KSR1: variants seen among roughly 807,000 people sequenced by gnomAD.
The protein encoded by KSR1 is kinase suppressor of ras.
In KSR1, 35 loss-of-function variants were observed where a neutral mutation model predicts 92.9. The ratio of observed to expected loss-of-function variants is 0.38; its 90% CI spans 0.29 to 0.50. The LOEUF is 0.50. Ranked by LOEUF, KSR1 falls within the 20% of genes least tolerant of loss-of-function variation. The probability of loss-of-function intolerance (pLI) is 0.94; values close to 1 mark genes in which losing one functional copy is unlikely to be tolerated. For missense variants in KSR1, 972 were observed against 1,158.5 expected, an observed-to-expected ratio of 0.84 and a Z score of 2.34; for synonymous variants, 467 against 472.6, an observed-to-expected ratio of 0.99 and a Z score of 0.15.
At chr17:27,484,718 A>G (rs1041629587) in intron 1 of KSR1, among the ~76,000 whole-genome samples, 11 of 152,162 alleles carry the variant, frequency 7.2e-5, no homozygotes, top group Admixed American at 6.5e-5. Flanking sequence ...AGAGGGAAAC[A>G]GCCTGCCTGC....
At chr17:27,492,163 C>T (rs372606867) in intron 1 of KSR1, among the ~76,000 whole-genome samples, 2 of 151,992 alleles carry the variant, frequency 1.3e-5, no homozygotes, top group African/African-American at 4.8e-5. Context: ...GTAGCAGATA[C>T]GAGTGGGTGG....
rs1032301929 is a variant in KSR1, at chr17:27,459,095, G to T, written c.231+2221G>T. Among the ~76,000 whole-genome samples, 1 of 152,206 alleles carries T rather than the reference G, an allele frequency of 6.6e-6. No individual in the cohort carries two copies. On this transcript the variant is annotated intron_variant, in intron 1 of 20. Transcript: ENST00000644974. This position sits in a 1 kb window ranked among gnomAD's most constrained non-coding sequence, Gnocchi z 4.6. ...GAAGAATCTTTGCCATAGGAGCAGC[G>T]TGGTGAATAGGAAGCCCCATGGCTT...
Position 27,590,807 on chromosome 17 carries a change from G to T in KSR1, c.1047-4G>T. The T allele has an allele frequency of 6.2e-7, 1 of 1,608,774 alleles. No homozygotes were observed. Among genetic ancestry groups the T allele is most frequent in the African/African-American group, 1.3e-5 (1 of 74,960 alleles). On this transcript the variant is annotated splice_region_variant and splice_polypyrimidine_tract_variant and intron_variant, in intron 6 of 20. Coordinates refer to ENST00000644974, the MANE Select transcript of KSR1 (RefSeq NM_001394583.1). ...AAACATGTGCCTGTGTCCGCCCTCT[G>T]CAGGTTCTCCACCAAGTCCTGGCTG...
In KSR1 at chr17:27,609,270, C is replaced by T; in HGVS notation, c.2166C>T (p.Gly722=). 1 of 1,613,976 alleles carries T rather than the reference C, an allele frequency of 6.2e-7. No individual in the cohort carries two copies. The highest frequency in any genetic ancestry group is 8.5e-7 in the Non-Finnish European group (1 of 1,179,888). The change falls in exon 16 of 21, where the codon GGC becomes GGT. Residue 722 remains glycine, a synonymous_variant. Transcript: ENST00000644974. ...CTAAGAACGTCTTCTATGACAACGG[C>T]AAGGTGGTCATCACAGACTTCGGGC... ...LKSKNVFYDN[G]KVVITDFGLF...
chr17:27,605,850 C>T (rs1212192522), intron 14 of KSR1, 37 bp downstream of exon 14: 1 of 1,607,616 alleles, frequency 6.2e-7, no homozygotes, highest in East Asian at 2.2e-5. Flanking sequence ...GGATGGCCAG[C>T]TCAGCCTCCC....
rs150950906 is a variant in KSR1 at position 27,564,675 on chromosome 17, T to C, written c.373-12817T>C. Reference sequence around the variant, plus strand: ...TGAAAAATCCCAGAGAAGGCTCTGATTGGCTTGGCTTTGACCACATGTTCA... The same window carrying C: ...TGAAAAATCCCAGAGAAGGCTCTGACTGGCTTGGCTTTGACCACATGTTCA... On this transcript the variant is annotated intron_variant, in intron 2 of 20. Coordinates refer to ENST00000644974, the MANE Select transcript of KSR1 (RefSeq NM_001394583.1). 7.5e-3 allele frequency among the ~76,000 whole-genome samples: 1,138 copies of C among 152,152 alleles called. 14 individuals carry two copies. Among genetic ancestry groups the C allele is most frequent in the African/African-American group, 0.027 (1,101 of 41,496 alleles).
Position 27,519,217 on chromosome 17 carries a change from A to G in KSR1, c.232-31351A>G, listed in dbSNP as rs549228109. On this transcript the variant is annotated intron_variant, in intron 1 of 20. Transcript: ENST00000644974. Reference sequence around the variant, plus strand: ...GGAAGCCCTGGGTGTGGTTCCCTGCAGAAAGGAATTCTGAGGCCTCAGAAA... The same window carrying G: ...GGAAGCCCTGGGTGTGGTTCCCTGCGGAAAGGAATTCTGAGGCCTCAGAAA... 3.3e-5 allele frequency among the ~76,000 whole-genome samples: 5 copies of G among 152,280 alleles called. No homozygotes were observed. The South Asian group carries it at 8.3e-4, about 25-fold the overall frequency.
chr17:27,506,099 G>A lies in KSR1; in HGVS notation c.232-44469G>A, dbSNP rs938849935. On this transcript the variant is annotated intron_variant, in intron 1 of 20. Transcript: ENST00000644974. ...CTAACCAAACTTTTCATATTTCTATGCTCCCTCTTTGTCCTTGTCTGCAGG... is the reference window on the plus strand; with the variant it reads ...CTAACCAAACTTTTCATATTTCTATACTCCCTCTTTGTCCTTGTCTGCAGG... 2.6e-5 allele frequency among the ~76,000 whole-genome samples: 4 copies of A among 152,172 alleles called. No individual in the cohort carries two copies. The East Asian group carries it at 7.7e-4, about 29-fold the overall frequency.
chr17:27,469,993 A>AGT (rs145390989), intron 1 of KSR1, among the ~76,000 whole-genome samples: 6,995 of 139,488 alleles, frequency 0.05, 258 homozygotes, highest in African/African-American at 0.11. Context: ...ATGGAGATGG[A>AGT]GTGTGTGTGT....
At chr17:27,488,189 A>G (rs1298970288) in intron 1 of KSR1, among the ~76,000 whole-genome samples, 1 of 152,272 alleles carries the variant, frequency 6.6e-6, no homozygotes, top group East Asian at 1.9e-4. Flanking sequence ...CAAAACATAT[A>G]TAAAGTTTAA....
At position 27,507,449 on chromosome 17, in the gene KSR1, A is replaced by G. The variant is rs147268069; in HGVS notation, c.232-43119A>G. ...CTTTGTCTCGAAGGAAAAAATATATATATTTTTAATGTTTTATATTTATTT... is the reference window on the plus strand; with the variant it reads ...CTTTGTCTCGAAGGAAAAAATATATGTATTTTTAATGTTTTATATTTATTT... On this transcript the variant is annotated intron_variant, in intron 1 of 20. Transcript: ENST00000644974. 3.8e-3 allele frequency among the ~76,000 whole-genome samples: 571 copies of G among 149,000 alleles called. 4 individuals are homozygous for G. The highest frequency in any genetic ancestry group is 0.011 in the Middle Eastern group (3 of 276).
At chr17:27,491,359 T>C in intron 1 of KSR1, among the ~76,000 whole-genome samples, 1 of 72,214 alleles carries the variant, frequency 1.4e-5, no homozygotes. Flanking sequence ...GTGTTGGGGG[T>C]GGGGTAGGGG....
chr17:27,541,818 T>C (rs2070977991), intron 1 of KSR1, among the ~76,000 whole-genome samples: 1 of 152,212 alleles, frequency 6.6e-6, no homozygotes, highest in Admixed American at 6.5e-5. Context: ...ATGAGAGGTT[T>C]CATGATTTGT....
intron 1 of KSR1, among the ~76,000 whole-genome samples, chr17:27,516,667 G>A (rs753251365): frequency 2.4e-4 from 36 of 152,210 alleles, no homozygotes; most frequent in Non-Finnish European, 2.5e-4. Flanking sequence ...AGAACTTTTC[G>A]AAGCTGAGAT....
intron 5 of KSR1, among the ~76,000 whole-genome samples, chr17:27,586,738 A>C (rs1480155983): frequency 2.3e-4 from 35 of 152,224 alleles, no homozygotes; most frequent in Admixed American, 2.3e-3. Context: ...TGCTTGGCAC[A>C]TACACCACCT....
chr17:27,528,308 C>T (rs745565148), intron 1 of KSR1, among the ~76,000 whole-genome samples: 5 of 152,004 alleles, frequency 3.3e-5, no homozygotes, highest in Non-Finnish European at 5.9e-5. Context: ...CTCAGGTGAT[C>T]TGCCCACCTC....
chr17:27,544,722 G>A (rs938646832), intron 1 of KSR1, among the ~76,000 whole-genome samples: 5 of 152,306 alleles, frequency 3.3e-5, no homozygotes, highest in South Asian at 4.1e-4. Flanking sequence ...TGTCTATTCC[G>A]GAAAATTTAT....
chr17:27,613,353 A>G (rs2151255070), intron 18 of KSR1: 1 of 152,398 alleles, frequency 6.6e-6, no homozygotes, highest in Non-Finnish European at 1.5e-5. Context: ...TGACCAGGAA[A>G]AATTAGGCAT....
chr17:27,477,604 G>C (rs944417347), intron 1 of KSR1, among the ~76,000 whole-genome samples: 1 of 152,150 alleles, frequency 6.6e-6, no homozygotes, highest in Non-Finnish European at 1.5e-5. Context: ...AAACGGTGAT[G>C]TATAGACCCC....
Sources: gnomAD v4.1 joint callset for allele counts (sites outside exome capture counted in the v4.1 genomes callset) on GRCh38, gnomAD v4.1.1 for gene constraint, Gnocchi (gnomAD v3.1) non-coding constraint, MANE v1.5 for transcripts, NCBI Gene and HGNC (gene_info 2026-07-23, HGNC 2026-07-21) for gene names.